Variants in SLC44A5 observed in about 807,000 individuals in gnomAD.
SLC44A5 encodes solute carrier family 44 member 5.
SLC44A5 carries 57 observed loss-of-function variants against 101.8 expected under a neutral mutation model. The observed-to-expected ratio is 0.56, with a 90% CI of 0.45 to 0.70. The LOEUF is 0.70. Among genes scored for constraint, SLC44A5 ranks in the 30% least tolerant of loss-of-function variants. The pLI is 0.00. For missense variants in SLC44A5, 737 were observed against 853.1 expected, an observed-to-expected ratio of 0.86 and a Z score of 1.70; for synonymous variants, 281 against 290.9, an observed-to-expected ratio of 0.97 and a Z score of 0.35.
chr1:75,468,421 G>GTGTT (rs1305345230), intron 2 of SLC44A5, among the ~76,000 whole-genome samples: 1 of 152,170 alleles, frequency 6.6e-6, no homozygotes, highest in African/African-American at 2.4e-5. Flanking sequence ...AGCAACCTAA[G>GTGTT]TGTTCATCAA....
intron 5 of SLC44A5, among the ~76,000 whole-genome samples, chr1:75,279,364 G>C (rs1652199216): frequency 6.6e-6 from 1 of 152,048 alleles, no homozygotes; most frequent in African/African-American, 2.4e-5. Context: ...CAAGCAGAAA[G>C]TGAGGTGTAG....
the SLC44A5 span, among the ~76,000 whole-genome samples, chr1:75,642,977 G>C: frequency 1.3e-5 from 2 of 152,080 alleles, no homozygotes; most frequent in African/African-American, 4.8e-5. Context: ...ATAGCTACAT[G>C]TCTTCCCCTG....
At chr1:75,572,988 T>C (rs1477558175) in intron 1 of SLC44A5, among the ~76,000 whole-genome samples, 1 of 151,702 alleles carries the variant, frequency 6.6e-6, no homozygotes, top group African/African-American at 2.4e-5. Context: ...CTGGGCATAG[T>C]GGCATGCACC....
At chr1:75,597,434 A>T (rs946259346) in intron 1 of SLC44A5, among the ~76,000 whole-genome samples, 25 of 152,300 alleles carry the variant, frequency 1.6e-4, no homozygotes, top group African/African-American at 6.0e-4. Context: ...TTCTTCACTG[A>T]AATAGAAAAA....
chr1:75,218,340 A>G, intron 17 of SLC44A5, 150 bp downstream of exon 17: 7 of 1,099,656 alleles, frequency 6.4e-6, no homozygotes, highest in Admixed American at 2.3e-5. Flanking sequence ...TGGCTATGAA[A>G]CCAGACAAAA....
chr1:75,490,395 C>G (rs1361671421), intron 2 of SLC44A5, among the ~76,000 whole-genome samples: 1 of 152,070 alleles, frequency 6.6e-6, no homozygotes, highest in Admixed American at 6.6e-5. Flanking sequence ...CTTTGCTCAC[C>G]TACAAATGGC....
intron 2 of SLC44A5, among the ~76,000 whole-genome samples, chr1:75,408,084 T>C (rs1020851176): frequency 1.3e-5 from 2 of 152,126 alleles, no homozygotes; most frequent in Non-Finnish European, 2.9e-5. Flanking sequence ...GAAAAAGACA[T>C]TTATGTGGCC....
chr1:75,534,742 A>G (rs1350407891), intron 2 of SLC44A5, among the ~76,000 whole-genome samples: 1 of 152,222 alleles, frequency 6.6e-6, no homozygotes, highest in East Asian at 1.9e-4. Context: ...TTTAAAGGTG[A>G]CTTTTCGTTT....
At chr1:75,290,149 C>T (rs1653416243) in intron 5 of SLC44A5, among the ~76,000 whole-genome samples, 1 of 152,154 alleles carries the variant, frequency 6.6e-6, no homozygotes, top group Non-Finnish European at 1.5e-5. Context: ...GTGTACGCAA[C>T]AAATTTATCA....
chr1:75,333,978 C>T (rs1657253809), intron 4 of SLC44A5, among the ~76,000 whole-genome samples: 1 of 152,132 alleles, frequency 6.6e-6, no homozygotes, highest in South Asian at 2.1e-4. Context: ...TTATCTTCTG[C>T]CTGAATGCTT....
the SLC44A5 span, among the ~76,000 whole-genome samples, chr1:75,652,162 T>A: frequency 0.016 from 2,395 of 152,200 alleles, 77 homozygotes; most frequent in African/African-American, 0.053. Context: ...ATGCAGCCCC[T>A]CCCAAGTGCT....
intron 1 of SLC44A5, among the ~76,000 whole-genome samples, chr1:75,576,659 C>G (rs748791952): frequency 6.6e-6 from 1 of 152,046 alleles, no homozygotes; most frequent in East Asian, 1.9e-4. Context: ...TCTAAGCTAT[C>G]GCAAGTCCTA....
At chr1:75,460,756 T>C (rs982611409) in intron 2 of SLC44A5, among the ~76,000 whole-genome samples, 2 of 152,194 alleles carry the variant, frequency 1.3e-5, no homozygotes, top group African/African-American at 4.8e-5. Flanking sequence ...TTATTGCCAA[T>C]ATTCTCAATA....
At chr1:75,249,579 G>C (rs1461513108) in intron 7 of SLC44A5, among the ~76,000 whole-genome samples, 1 of 152,094 alleles carries the variant, frequency 6.6e-6, no homozygotes, top group Non-Finnish European at 1.5e-5. Context: ...ACGCAATCCA[G>C]GTGAAATAAA....
chr1:75,424,891 TA>T (rs939991361), intron 2 of SLC44A5, among the ~76,000 whole-genome samples: 39 of 152,140 alleles, frequency 2.6e-4, no homozygotes, highest in African/African-American at 9.4e-4. Flanking sequence ...ACTCATCAAA[TA>T]ACAAAAACAT....
chr1:75,620,602 A>G, the SLC44A5 span, among the ~76,000 whole-genome samples: 1 of 152,072 alleles, frequency 6.6e-6, no homozygotes, highest in Non-Finnish European at 1.5e-5. Context: ...ATTTTTTCAT[A>G]TGTTTCCTGG....
At chr1:75,477,193 CCTGT>C (rs1393761128) in intron 2 of SLC44A5, among the ~76,000 whole-genome samples, 5 of 152,222 alleles carry the variant, frequency 3.3e-5, no homozygotes, top group African/African-American at 9.6e-5. Context: ...AGCTGAGGGT[CCTGT>C]CTGTTAGAAG....
At chr1:75,517,669 CAT>C (rs1174786883) in intron 2 of SLC44A5, among the ~76,000 whole-genome samples, 2 of 152,086 alleles carry the variant, frequency 1.3e-5, no homozygotes, top group Non-Finnish European at 2.9e-5. Flanking sequence ...GAGGACATGT[CAT>C]GCAAAAAGCA....
At chr1:75,636,285 T>C in the SLC44A5 span, among the ~76,000 whole-genome samples, 1 of 152,050 alleles carries the variant, frequency 6.6e-6, no homozygotes, top group East Asian at 1.9e-4. Context: ...ATTAAGATAT[T>C]ATATACAAGA....
Sources: allele counts gnomAD v4.1 joint callset (sites outside exome capture counted in the v4.1 genomes callset), GRCh38; gene constraint gnomAD v4.1.1; transcripts MANE v1.5; gene names NCBI Gene and HGNC (gene_info 2026-07-23, HGNC 2026-07-21).